LMNA: variants seen among roughly 807,000 people sequenced by gnomAD.
LMNA encodes the protein lamin A/C.
Under a neutral mutation model 70.4 loss-of-function variants are expected in LMNA, and 20 were observed. The ratio of observed to expected loss-of-function variants is 0.28; its 90% CI spans 0.20 to 0.41. The LOEUF (loss-of-function observed/expected upper bound fraction) is 0.41, where lower values mean the gene tolerates loss of function less well. Ranked by LOEUF, LMNA falls within the 10% of genes least tolerant of loss-of-function variation. The pLI, the probability that LMNA is intolerant of heterozygous loss-of-function variation, is 1.00. For synonymous variants in LMNA, 339 were observed against 372.8 expected, an observed-to-expected ratio of 0.91 and a Z score of 1.04; for missense variants, 652 against 917.2, an observed-to-expected ratio of 0.71 and a Z score of 3.73.
upstream of LMNA, among the ~76,000 whole-genome samples, chr1:156,112,291 T>C (rs1210840583): frequency 1.3e-5 from 2 of 152,042 alleles, no homozygotes; most frequent in Non-Finnish European, 2.9e-5. Context: ...GAGGCTGAGA[T>C]AAAAGAATCA....
At chr1:156,126,496 G>A (rs1425809510) in intron 1 of LMNA, 1 of 666,254 alleles carries the variant, frequency 1.5e-6, no homozygotes, top group South Asian at 1.6e-5. Context: ...CAGAGGGTGG[G>A]TCAGCGCCTG....
chr1:156,109,838 A>T (rs1215162951), upstream of LMNA: 1 of 126,924 alleles, frequency 7.9e-6, no homozygotes, highest in Non-Finnish European at 1.7e-5. Context: ...ATATATATAC[A>T]CACACACATA....
At position 156,135,145 on chromosome 1, in the gene LMNA, CT is replaced by C. The variant is rs1651440196; in HGVS notation, c.811-41del. 6.2e-7 allele frequency: 1 copy of C among 1,613,846 alleles called. No homozygotes were observed. Among genetic ancestry groups the C allele is most frequent in the African/African-American group, 1.3e-5 (1 of 75,070 alleles). On this transcript the variant is annotated intron_variant, in intron 4 of 11. Coordinates refer to ENST00000368300, the MANE Select transcript of LMNA (RefSeq NM_170707.4). The surrounding 1 kb of genome is among the most constrained non-coding windows in gnomAD (Gnocchi z 4.8). ...CCAACTCAGGCCTGTGCCTCCACCC[CT>C]CCCAGTCACCACAGTCCTAACCCTT...
At chr1:156,091,432 G>A (rs188625927) in intron 3 of LMNA, among the ~76,000 whole-genome samples, 23 of 152,126 alleles carry the variant, frequency 1.5e-4, no homozygotes, top group Non-Finnish European at 2.6e-4. Context: ...GAGAAACCCG[G>A]TCTCTACTAA....
At chr1:156,124,039 G>A (rs1438432293) in intron 1 of LMNA, among the ~76,000 whole-genome samples, 1 of 152,226 alleles carries the variant, frequency 6.6e-6, no homozygotes, top group African/African-American at 2.4e-5. Flanking sequence ...TCTGGTAGGG[G>A]ATCTGAGAGG....
Position 156,133,940 on chromosome 1 carries a change from C to A in LMNA, c.514-463C>A, listed in dbSNP as rs546613974. Among the ~76,000 whole-genome samples the A allele has an allele frequency of 1.2e-4, 18 of 152,310 alleles. 1 individual carries two copies. Among genetic ancestry groups the A allele is most frequent in the African/African-American group, 3.6e-4 (15 of 41,566 alleles). On this transcript the variant is annotated intron_variant, in intron 2 of 11. Coordinates refer to ENST00000368300, the MANE Select transcript of LMNA (RefSeq NM_170707.4). Reference sequence around the variant, plus strand: ...ATACTTTGGTTCCTTCTCTCATGTCCCCTCAGTACTTTGCACATACCTCCT... The same window carrying A: ...ATACTTTGGTTCCTTCTCTCATGTCACCTCAGTACTTTGCACATACCTCCT...
In LMNA at chr1:156,084,327, T is replaced by TTG. The variant is rs1558104047; in HGVS notation, c.-319+1143_-319+1144insTG. Among the ~76,000 whole-genome samples, 14 of 5,762 alleles carry TTG rather than the reference T, an allele frequency of 2.4e-3. 1 individual carries two copies. Among genetic ancestry groups the TTG allele is most frequent in the East Asian group, 8.9e-3 (1 of 112 alleles). 3.8% of individuals were successfully genotyped at this position (5,762 alleles called of 152,430 possible). On this transcript the variant is annotated intron_variant, in intron 2 of 12. Transcript: ENST00000368301. ...AACCTGAGCTGAGGATCTCAGAAGG[T>TTG]CGGGGGGTGGTGGGGGCAGTTGGCA...
At chr1:156,088,794 C>T (rs1253372505) in intron 2 of LMNA, among the ~76,000 whole-genome samples, 1 of 152,186 alleles carries the variant, frequency 6.6e-6, no homozygotes, top group Non-Finnish European at 1.5e-5. Flanking sequence ...GGATTACAGG[C>T]ATGTGCCACC....
Position 156,137,060 on chromosome 1 carries a change from G to A in LMNA, c.1488+32G>A, listed in dbSNP as rs1651707204. ...GGCAGGGCGCTTGGGACTCTGGGGA[G>A]GCCTTGGGTGGCGATGGGAGCGCTG... On this transcript the variant is annotated intron_variant, in intron 8 of 11. Transcript: ENST00000368300. The surrounding 1 kb of genome is among the most constrained non-coding windows in gnomAD (Gnocchi z 4.6). 6 of 1,614,052 alleles carry A rather than the reference G, an allele frequency of 3.7e-6. No individual in the cohort carries two copies. The Admixed American group carries it at 8.3e-5, about 22-fold the overall frequency.
At chr1:156,087,351 C>G (rs1014150809) in intron 2 of LMNA, among the ~76,000 whole-genome samples, 1 of 150,992 alleles carries the variant, frequency 6.6e-6, no homozygotes, top group African/African-American at 2.4e-5. Flanking sequence ...TCAAGCAGTT[C>G]TCTGCCTCAG....
rs199881992 is a variant in LMNA at position 156,135,324 on chromosome 1, C to T, written c.936+12C>T. ...AGCTCCAGAAGCAGGTGATACCCCACCTCACCCCTCTCTCCAGGGGCCTAG... is the reference window on the plus strand; with the variant it reads ...AGCTCCAGAAGCAGGTGATACCCCATCTCACCCCTCTCTCCAGGGGCCTAG... On this transcript the variant is annotated intron_variant, in intron 5 of 11. Transcript: ENST00000368300. The surrounding 1 kb of genome is among the most constrained non-coding windows in gnomAD (Gnocchi z 4.8). The T allele has an allele frequency of 5.4e-5, 87 of 1,612,138 alleles. No homozygotes were observed. Among genetic ancestry groups the T allele is most frequent in the Non-Finnish European group, 7.1e-5 (84 of 1,179,504 alleles).
rs1301226340 is a variant in LMNA at position 156,135,801 on chromosome 1, C to T, written c.937-100C>T. On this transcript the variant is annotated intron_variant, in intron 5 of 11. Transcript: ENST00000368300. This position sits in a 1 kb window ranked among gnomAD's most constrained non-coding sequence, Gnocchi z 4.8. ...TCTGGGGAAGCTCTGATTGCAGATC[C>T]TGGAGAGAGTAGCCAGGTGTCTCCT... is the stretch of plus-strand genomic sequence containing the variant. The T allele has an allele frequency of 5.2e-6, 5 of 955,522 alleles. No homozygotes were observed. The highest frequency in any genetic ancestry group is 1.6e-5 in the African/African-American group (1 of 61,808). The allele number at this position is 955,522 out of a possible 1,614,324, so 59.2% of individuals were successfully genotyped here.
intron 2 of LMNA, among the ~76,000 whole-genome samples, chr1:156,088,951 CTATTT>C (rs1218515925): frequency 6.6e-6 from 1 of 152,198 alleles, no homozygotes; most frequent in Non-Finnish European, 1.5e-5. Context: ...CGCACCCAGC[CTATTT>C]TATTTTATTG....
chr1:156,102,196 G>A (rs1255532076), intron 3 of LMNA, among the ~76,000 whole-genome samples: 1 of 152,198 alleles, frequency 6.6e-6, no homozygotes, highest in Non-Finnish European at 1.5e-5. Context: ...CCTGCTCCGT[G>A]ATACACGGGG....
At chr1:156,100,739 T>C (rs1369317366) in intron 3 of LMNA, among the ~76,000 whole-genome samples, 13 of 151,880 alleles carry the variant, frequency 8.6e-5, no homozygotes, top group Non-Finnish European at 1.3e-4. Flanking sequence ...ATGATGAGGA[T>C]ACTCTACTCA....
At chr1:156,118,358 C>T (rs745466862) in intron 1 of LMNA, among the ~76,000 whole-genome samples, 5 of 152,222 alleles carry the variant, frequency 3.3e-5, no homozygotes, top group Non-Finnish European at 5.9e-5. Flanking sequence ...GCCAGTTTGT[C>T]TCCTCTGCCT....
chr1:156,121,981 C>T (rs1179972528), intron 1 of LMNA, among the ~76,000 whole-genome samples: 1 of 152,018 alleles, frequency 6.6e-6, no homozygotes. Flanking sequence ...CATGGTGAAA[C>T]CCTGTCTCTA....
rs1182722962 is a variant in LMNA, at chr1:156,115,805, A to G, written c.356+531A>G. Among the ~76,000 whole-genome samples the G allele has an allele frequency of 2.0e-5, 3 of 152,264 alleles. No homozygotes were observed. Among genetic ancestry groups the G allele is most frequent in the African/African-American group, 4.8e-5 (2 of 41,478 alleles). On this transcript the variant is annotated intron_variant, in intron 1 of 11. Transcript: ENST00000368300. This position sits in a 1 kb window ranked among gnomAD's most constrained non-coding sequence, Gnocchi z 5.8. ...CTGTCCAGCGTGTTGGAGCGAGGTC[A>G]GGAAGGCAGGGCAATCCCCCTTTTC...
At chr1:156,085,881 C>A (rs528535523) in intron 2 of LMNA, among the ~76,000 whole-genome samples, 1 of 152,152 alleles carries the variant, frequency 6.6e-6, no homozygotes, top group Non-Finnish European at 1.5e-5. Context: ...CATGGCAAAA[C>A]CCTGTCTCTA....
Sources: allele counts gnomAD v4.1 joint callset (sites outside exome capture counted in the v4.1 genomes callset), GRCh38; gene constraint gnomAD v4.1.1; non-coding constraint Gnocchi (gnomAD v3.1); transcripts MANE v1.5; gene names NCBI Gene and HGNC (gene_info 2026-07-23, HGNC 2026-07-21).